Variants in GJA1 observed in about 807,000 individuals in gnomAD.
The protein encoded by GJA1 is gap junction protein alpha 1.
A neutral mutation model predicts 31.0 loss-of-function variants in GJA1; 9 were observed. That is an observed-to-expected ratio of 0.29 (90% confidence interval 0.17 to 0.51). GJA1 has a LOEUF of 0.51. Ranked by LOEUF, GJA1 falls within the 20% of genes least tolerant of loss-of-function variation. The probability of loss-of-function intolerance (pLI) is 0.98; values close to 1 mark genes in which losing one functional copy is unlikely to be tolerated. For missense variants in GJA1, 278 were observed against 468.8 expected (o/e 0.59, Z 3.76); for synonymous variants, 186 against 180.1 (o/e 1.03, Z -0.26).
At chr6:121,445,659 T>C (rs540011710) in intron 1 of GJA1, among the ~76,000 whole-genome samples, 90 of 152,320 alleles carry the variant, frequency 5.9e-4, no homozygotes, top group Middle Eastern at 3.4e-3. Context: ...TTAATAAGGC[T>C]GTGAGTAGTA....
chr6:121,435,871 T>C (rs1241150237), intron 1 of GJA1, 39 bp downstream of exon 1: 1 of 152,196 alleles, frequency 6.6e-6, no homozygotes, highest in Non-Finnish European at 1.5e-5. Context: ...ACCTATTAGT[T>C]TCTTTTTCTA....
Position 121,447,950 on chromosome 6 carries a change from G to A in GJA1, c.1103G>A (p.Ser368Asn), listed in dbSNP as rs1064796878. The change falls in exon 2 of 2, where the codon AGC becomes AAC. Residue 368 changes from serine to asparagine, a missense_variant. Ser to Asn is a conservative substitution (Grantham distance 46). Coordinates refer to ENST00000282561, the MANE Select transcript of GJA1 (RefSeq NM_000165.5). ...GACCAGCGACCTTCAAGCAGAGCCA[G>A]CAGTCGTGCCAGCAGCAGACCTCGG... ...IVDQRPSSRA[S>N]SRASSRPRPD... The A allele has an allele frequency of 6.2e-7, 1 of 1,613,878 alleles. No homozygotes were observed. The highest frequency in any genetic ancestry group is 1.7e-5 in the Admixed American group (1 of 60,006).
At chr6:121,445,316 C>T (rs1773869105) in intron 1 of GJA1, among the ~76,000 whole-genome samples, 1 of 152,022 alleles carries the variant, frequency 6.6e-6, no homozygotes, top group Non-Finnish European at 1.5e-5. Flanking sequence ...TGGCTAATTT[C>T]TTGTATTTTT....
intron 1 of GJA1, among the ~76,000 whole-genome samples, chr6:121,436,868 A>G (rs1773672597): frequency 6.6e-6 from 1 of 152,206 alleles, no homozygotes; most frequent in African/African-American, 2.4e-5. Flanking sequence ...GTTGTTTAAA[A>G]GGGTTCAATT....
Position 121,441,288 on chromosome 6 carries a change from T to C in GJA1, c.-17+5456T>C, listed in dbSNP as rs939856030. On this transcript the variant is annotated intron_variant, in intron 1 of 1. Coordinates refer to ENST00000282561, the MANE Select transcript of GJA1 (RefSeq NM_000165.5). ...GTTTTTAGTAGAGATGGGATTTCAC[T>C]ATGTTGGCCAGGCTGATCTCAAACT... Among the ~76,000 whole-genome samples, 5 of 151,828 alleles carry C rather than the reference T, an allele frequency of 3.3e-5. No homozygotes were observed. In the South Asian group the frequency reaches 1.0e-3, roughly 32 times the overall value.
chr6:121,436,152 CAGTAAT>C (rs1425929699), intron 1 of GJA1, among the ~76,000 whole-genome samples: 3 of 96,628 alleles, frequency 3.1e-5, no homozygotes, highest in Non-Finnish European at 5.5e-5. Context: ...TTTTTGTAAT[CAGTAAT>C]AGTCTAGGTG....
Position 121,447,393 on chromosome 6 carries a change from T to C in GJA1, c.546T>C (p.Ser182=). Residue 182 remains serine, a synonymous_variant, in exon 2 of 2, where the codon AGT becomes AGC. Transcript: ENST00000282561. ...GGTACATCTATGGATTCAGCTTGAGTGCTGTTTACACTTGCAAAAGAGATC... is the reference window on the plus strand; with the variant it reads ...GGTACATCTATGGATTCAGCTTGAGCGCTGTTTACACTTGCAAAAGAGATC... ...IQWYIYGFSL[S]AVYTCKRDPC... The C allele has an allele frequency of 1.2e-6, 2 of 1,613,962 alleles. No homozygotes were observed. Among genetic ancestry groups the C allele is most frequent in the Non-Finnish European group, 1.7e-6 (2 of 1,179,894 alleles).
chr6:121,441,718 G>A (rs1321496643), intron 1 of GJA1, among the ~76,000 whole-genome samples: 1 of 152,080 alleles, frequency 6.6e-6, no homozygotes, highest in South Asian at 2.1e-4. Flanking sequence ...CAAGCTGATT[G>A]TTGGTTTGTT....
At position 121,448,611 on chromosome 6, in the gene GJA1, T is replaced by A. The variant is rs1218139406; in HGVS notation, c.*615T>A. 2 of 169,426 alleles carry A rather than the reference T, an allele frequency of 1.2e-5. No homozygotes were observed. Among genetic ancestry groups the A allele is most frequent in the African/African-American group, 2.4e-5 (1 of 41,452 alleles). The allele number at this position is 169,426 out of a possible 1,614,324, so 10.5% of individuals were successfully genotyped here. A position where few individuals can be genotyped will look rare whatever the true frequency, so the allele number is the denominator to read the frequency against. ...TCAGACAAGGCCCACAGAATAAGAT[T>A]TTCCATGCATTTGCAAATACGTATA... On this transcript the variant is annotated 3_prime_UTR_variant, in exon 2 of 2. Transcript: ENST00000282561.
At chr6:121,444,055 C>G (rs1012382452) in intron 1 of GJA1, among the ~76,000 whole-genome samples, 3 of 152,092 alleles carry the variant, frequency 2.0e-5, no homozygotes, top group African/African-American at 7.2e-5. Flanking sequence ...CTAGTATTTT[C>G]TGCTAAATTG....
intron 1 of GJA1, among the ~76,000 whole-genome samples, chr6:121,439,776 C>T (rs923740058): frequency 2.0e-5 from 3 of 152,104 alleles, no homozygotes; most frequent in African/African-American, 7.2e-5. Context: ...GTTGTCCTCC[C>T]CTCTGCCCCC....
intron 1 of GJA1, 138 bp from the exon 2 acceptor site, chr6:121,446,694 G>T (rs1773894745): frequency 1.2e-5 from 9 of 723,228 alleles, no homozygotes; most frequent in Admixed American, 2.0e-5. Flanking sequence ...GGAAGAGTTT[G>T]CACTTGGTTT....
intron 1 of GJA1, among the ~76,000 whole-genome samples, chr6:121,445,512 A>G (rs1773872132): frequency 6.6e-6 from 1 of 152,212 alleles, no homozygotes; most frequent in African/African-American, 2.4e-5. Context: ...AGATATTGAT[A>G]AGAAGTTAAA....
intron 1 of GJA1, among the ~76,000 whole-genome samples, chr6:121,437,388 CT>C (rs1465454943): frequency 5.5e-5 from 8 of 144,474 alleles, no homozygotes. Flanking sequence ...TCCTCTTAAA[CT>C]TGCTGAATCC....
In GJA1 at chr6:121,447,904, T is replaced by A; in HGVS notation, c.1057T>A (p.Leu353Ile). 6.8e-6 allele frequency: 11 copies of A among 1,608,640 alleles called. No individual in the cohort carries two copies. The highest frequency in any genetic ancestry group is 8.5e-6 in the Non-Finnish European group (10 of 1,175,152). ...NSKKLAAGHE[L>I]QPLAIVDQRP... Reference sequence around the variant, plus strand: ...TAAAAAACTAGCTGCTGGACATGAATTACAGCCACTAGCCATTGTGGACCA... The same window carrying A: ...TAAAAAACTAGCTGCTGGACATGAAATACAGCCACTAGCCATTGTGGACCA... The change falls in exon 2 of 2, where the codon TTA (leucine) becomes ATA (isoleucine). Residue 353 changes from leucine to isoleucine, a missense_variant. By Grantham distance (5) the Leu-to-Ile change is conservative (BLOSUM62 2). This residue lies in a region of GJA1 where 172 missense variants were observed against 190.9 expected (regional missense o/e 0.90). Transcript: ENST00000282561.
At chr6:121,442,647 G>A (rs1037177409) in intron 1 of GJA1, among the ~76,000 whole-genome samples, 2 of 152,150 alleles carry the variant, frequency 1.3e-5, no homozygotes, top group African/African-American at 4.8e-5. Flanking sequence ...TTACTTCCTA[G>A]GCCCCACCTC....
At chr6:121,439,724 AG>A (rs753804760) in intron 1 of GJA1, among the ~76,000 whole-genome samples, 16 of 152,154 alleles carry the variant, frequency 1.1e-4, no homozygotes, top group Non-Finnish European at 2.2e-4. Flanking sequence ...AGTGATGAGG[AG>A]GGGTAAGAGC....
At chr6:121,437,233 G>A (rs1388507769) in intron 1 of GJA1, among the ~76,000 whole-genome samples, 1 of 152,198 alleles carries the variant, frequency 6.6e-6, no homozygotes, top group Non-Finnish European at 1.5e-5. Context: ...TCACTGCAAA[G>A]GAACCCGGGG....
chr6:121,445,739 T>C (rs1167061591), intron 1 of GJA1, among the ~76,000 whole-genome samples: 2 of 152,222 alleles, frequency 1.3e-5, no homozygotes, highest in Non-Finnish European at 2.9e-5. Flanking sequence ...AGTAGGTTAC[T>C]ACATATAATG....
Sources: gnomAD v4.1 joint callset for allele counts (sites outside exome capture counted in the v4.1 genomes callset) on GRCh38, gnomAD v4.1.1 for gene constraint, gnomAD v4.1.1 regional missense constraint, MANE v1.5 for transcripts, NCBI Gene and HGNC (gene_info 2026-07-23, HGNC 2026-07-21) for gene names.